Variants in PPM1L observed in about 807,000 individuals in gnomAD.
PPM1L encodes protein phosphatase 1L.
Under a neutral mutation model 31.4 loss-of-function variants are expected in PPM1L, and 13 were observed. The ratio of observed to expected loss-of-function variants is 0.41; its 90% CI spans 0.27 to 0.66. The LOEUF is 0.66. PPM1L is among the 30% of genes least tolerant of loss of function. The pLI is 0.29. For missense variants in PPM1L, 326 were observed against 453.7 expected, an observed-to-expected ratio of 0.72 and a Z score of 2.56; for synonymous variants, 184 against 175.4, an observed-to-expected ratio of 1.05 and a Z score of -0.39.
chr3:160,913,971 T>C (rs1714066167), intron 1 of PPM1L, among the ~76,000 whole-genome samples: 1 of 152,222 alleles, frequency 6.6e-6, no homozygotes, highest in Admixed American at 6.5e-5. Flanking sequence ...AGATTGTATG[T>C]TAAGTATATG....
In PPM1L at chr3:160,822,864, TTAAGAAAAGTTGAA is replaced by T. The variant is rs1713243100; in HGVS notation, c.399+66164_399+66177del. Among the ~76,000 whole-genome samples, 3 of 151,758 alleles carry T rather than the reference TTAAGAAAAGTTGAA, an allele frequency of 2.0e-5. 1 individual carries two copies. The South Asian group carries it at 6.2e-4, about 32-fold the overall frequency. On this transcript the variant is annotated intron_variant, in intron 1 of 3. Coordinates refer to ENST00000498165, the MANE Select transcript of PPM1L (RefSeq NM_139245.4). Reference sequence around the variant, plus strand: ...CTGATGCATAAAATTGGATGTGAAATTAAGAAAAGTTGAATAAGAATATCTAAAAGGAAGAGCTA... The same window carrying T: ...CTGATGCATAAAATTGGATGTGAAATTAAGAATATCTAAAAGGAAGAGCTA...
chr3:161,002,539 G>A (rs1429154884), intron 2 of PPM1L, among the ~76,000 whole-genome samples: 4 of 150,818 alleles, frequency 2.7e-5, no homozygotes, highest in South Asian at 2.1e-4. Context: ...TGTAACTGGT[G>A]TGAGATGGTA....
chr3:160,877,813 TTA>T (rs1186238533), intron 1 of PPM1L, among the ~76,000 whole-genome samples: 3 of 152,200 alleles, frequency 2.0e-5, no homozygotes, highest in Non-Finnish European at 4.4e-5. Context: ...AATCTTCTTA[TTA>T]AGCAAATGGG....
chr3:160,945,045 T>C (rs1319070381), intron 1 of PPM1L, among the ~76,000 whole-genome samples: 16 of 126,976 alleles, frequency 1.3e-4, no homozygotes, highest in Non-Finnish European at 2.4e-4. Context: ...ATAACATATA[T>C]ATTATATATA....
intron 2 of PPM1L, among the ~76,000 whole-genome samples, chr3:161,005,413 G>A (rs1717671082): frequency 6.6e-6 from 1 of 152,162 alleles, no homozygotes; most frequent in Non-Finnish European, 1.5e-5. Context: ...TCATAAAAAA[G>A]TGATATGTAT....
rs573185015 is a variant in PPM1L, at chr3:160,870,265, C to T, written c.400-91471C>T. On this transcript the variant is annotated intron_variant, in intron 1 of 3. Transcript: ENST00000498165. ...TGACAAAGTTGTCCCACCCACTCTC[C>T]GGAAAAGAGTTAATGTTGGTTGAAG... 8.8e-4 allele frequency among the ~76,000 whole-genome samples: 134 copies of T among 152,218 alleles called. 1 individual carries two copies. Among genetic ancestry groups the T allele is most frequent in the Admixed American group, 2.1e-3 (32 of 15,292 alleles).
chr3:160,849,175 T>C (rs1322317930), intron 1 of PPM1L, among the ~76,000 whole-genome samples: 1 of 152,210 alleles, frequency 6.6e-6, no homozygotes, highest in African/African-American at 2.4e-5. Flanking sequence ...CTGTCTTTTT[T>C]TCACAGCTAC....
In PPM1L at chr3:161,075,223, T is replaced by C. The variant is rs1720061854; in HGVS notation, c.*6066T>C. The C allele has an allele frequency of 6.6e-6, 1 of 152,258 alleles. No individual in the cohort carries two copies. The highest frequency in any genetic ancestry group is 1.5e-5 in the Non-Finnish European group (1 of 68,054). The allele number at this position is 152,258 out of a possible 1,614,324, so 9.4% of individuals were successfully genotyped here. ...TCTATATTAATTAGATAATTCACGA[T>C]GTAAAACGTGTTCATGCAGAAGCAA... On this transcript the variant is annotated 3_prime_UTR_variant, in exon 4 of 4. Coordinates refer to ENST00000498165, the MANE Select transcript of PPM1L (RefSeq NM_139245.4).
Position 160,756,626 on chromosome 3 carries a change from G to A in PPM1L, c.318G>A (p.Glu106=). The change falls in exon 1 of 4, where the codon GAG becomes GAA. Residue 106 remains glutamate, a synonymous_variant. Transcript: ENST00000498165. This position sits in a 1 kb window ranked among gnomAD's most constrained non-coding sequence, Gnocchi z 6.2. ...TCCAGGGCCGGAGAGACCACATGGA[G>A]GACCGCTTCGAAGTTCTCACGGATC... ...YSIQGRRDHM[E]DRFEVLTDLA... The A allele has an allele frequency of 6.2e-7, 1 of 1,614,180 alleles. No homozygotes were observed. Among genetic ancestry groups the A allele is most frequent in the South Asian group, 1.1e-5 (1 of 91,080 alleles).
intron 2 of PPM1L, among the ~76,000 whole-genome samples, chr3:161,005,623 C>T (rs1717679592): frequency 1.3e-5 from 2 of 152,150 alleles, no homozygotes; most frequent in Admixed American, 1.3e-4. Context: ...ATTCAGTAAG[C>T]TGCCACTCAG....
intron 1 of PPM1L, among the ~76,000 whole-genome samples, chr3:160,831,872 T>G (rs761752017): frequency 6.6e-6 from 1 of 152,306 alleles, no homozygotes; most frequent in Non-Finnish European, 1.5e-5. Context: ...TTGCTGGCTA[T>G]CTCTCTTCAG....
At chr3:160,911,490 G>A (rs1713972467) in intron 1 of PPM1L, among the ~76,000 whole-genome samples, 1 of 152,188 alleles carries the variant, frequency 6.6e-6, no homozygotes, top group Admixed American at 6.5e-5. Context: ...AGGTCTAGTG[G>A]GTTGGCCTCA....
chr3:160,835,039 A>ACTACTACTTCTTCTTCTTCTT (rs760363593), intron 1 of PPM1L, among the ~76,000 whole-genome samples: 16 of 131,818 alleles, frequency 1.2e-4, no homozygotes, highest in Non-Finnish European at 1.6e-4. Context: ...TACTACTACT[A>ACTACTACTTCTTCTTCTTCTT]CTTCTTCTTC....
Position 160,756,534 on chromosome 3 carries a change from G to C in PPM1L, c.226G>C (p.Asp76His). The change falls in exon 1 of 4, where the codon GAT becomes CAT. Residue 76 changes from aspartate to histidine, a missense_variant. Coordinates refer to ENST00000498165, the MANE Select transcript of PPM1L (RefSeq NM_139245.4). The surrounding 1 kb of genome is among the most constrained non-coding windows in gnomAD (Gnocchi z 6.2). ...GCAGAACGATCGACTCGGGGGGCTTGATGTGCTCGAGGCCGAGTTTTCCAA... is the reference window on the plus strand; with the variant it reads ...GCAGAACGATCGACTCGGGGGGCTTCATGTGCTCGAGGCCGAGTTTTCCAA... ...IMQNDRLGGL[D>H]VLEAEFSKTW... 4 of 1,614,146 alleles carry C rather than the reference G, an allele frequency of 2.5e-6. No individual in the cohort carries two copies. The highest frequency in any genetic ancestry group is 3.4e-6 in the Non-Finnish European group (4 of 1,180,008).
intron 2 of PPM1L, among the ~76,000 whole-genome samples, chr3:161,044,550 G>A (rs947498695): frequency 6.6e-6 from 1 of 151,672 alleles, no homozygotes; most frequent in African/African-American, 2.4e-5. Context: ...GGTCAGTCTG[G>A]GCAACATGGT....
intron 1 of PPM1L, among the ~76,000 whole-genome samples, chr3:160,908,207 G>A (rs1713829103): frequency 6.6e-6 from 1 of 152,126 alleles, no homozygotes. Context: ...AAGTCTTCAA[G>A]AAACTTTGTT....
chr3:160,812,213 G>A (rs1432346674), intron 1 of PPM1L, among the ~76,000 whole-genome samples: 2 of 152,088 alleles, frequency 1.3e-5, no homozygotes, highest in Non-Finnish European at 1.5e-5. Context: ...TGCCAAGAAC[G>A]GTTCTTTCTC....
At chr3:160,992,227 A>G (rs939356371) in intron 2 of PPM1L, among the ~76,000 whole-genome samples, 8 of 152,210 alleles carry the variant, frequency 5.3e-5, no homozygotes, top group Non-Finnish European at 7.3e-5. Context: ...ATTAAATACC[A>G]TACTGCTTCC....
At chr3:160,787,627 G>A (rs976757222) in intron 1 of PPM1L, among the ~76,000 whole-genome samples, 6 of 151,954 alleles carry the variant, frequency 3.9e-5, no homozygotes, top group African/African-American at 1.2e-4. Context: ...GTCAATTTTT[G>A]TTTTGTTGCA....
Sources: allele counts gnomAD v4.1 joint callset (sites outside exome capture counted in the v4.1 genomes callset), GRCh38; gene constraint gnomAD v4.1.1; non-coding constraint Gnocchi (gnomAD v3.1); transcripts MANE v1.5; gene names NCBI Gene and HGNC (gene_info 2026-07-23, HGNC 2026-07-21).